SCAND3: variants seen among roughly 807,000 people sequenced by gnomAD.
SCAND3 encodes SCAN domain containing 3.
the SCAND3 span, chr6:28,573,060 G>A: frequency 1.2e-6 from 2 of 1,610,658 alleles, no homozygotes; most frequent in African/African-American, 2.7e-5. Context: ...ACAGTTCTGA[G>A]CTAGTTGTGT....
the SCAND3 span, chr6:28,586,816 T>A: frequency 1.9e-6 from 2 of 1,045,628 alleles, no homozygotes; most frequent in East Asian, 2.4e-5. This position sits in a 1 kb window ranked among gnomAD's most constrained non-coding sequence, Gnocchi z 4.4. Flanking sequence ...GTCAGGAAAG[T>A]TTTTGATATA....
the SCAND3 span, chr6:28,570,702 C>T: frequency 1.3e-5 from 2 of 152,132 alleles, no homozygotes; most frequent in South Asian, 4.1e-4. Context: ...TGAAACGAAG[C>T]ACTTACTGTA....
the SCAND3 span, chr6:28,575,681 T>C: frequency 6.2e-7 from 1 of 1,614,214 alleles, no homozygotes; most frequent in East Asian, 2.2e-5. The surrounding 1 kb of genome is among the most constrained non-coding windows in gnomAD (Gnocchi z 4.2). Flanking sequence ...TACAGCATTA[T>C]AACTTCTTTT....
At chr6:28,574,335 A>G in the SCAND3 span, among the ~76,000 whole-genome samples, 3 of 152,092 alleles carry the variant, frequency 2.0e-5, no homozygotes, top group South Asian at 6.2e-4. Flanking sequence ...CATTAACCCT[A>G]CTTCATAAAG....
the SCAND3 span, among the ~76,000 whole-genome samples, chr6:28,614,217 G>GC: frequency 6.6e-6 from 1 of 152,066 alleles, no homozygotes; most frequent in Non-Finnish European, 1.5e-5. Flanking sequence ...ACCCGCCTCG[G>GC]CCTCCCAAAG....
the SCAND3 span, among the ~76,000 whole-genome samples, chr6:28,609,997 G>A: frequency 6.6e-6 from 1 of 152,092 alleles, no homozygotes; most frequent in Non-Finnish European, 1.5e-5. Context: ...AGGTGAGGTG[G>A]GCTGATCACT....
chr6:28,600,127 AT>A, the SCAND3 span, among the ~76,000 whole-genome samples: 63 of 152,246 alleles, frequency 4.1e-4, 1 homozygote, highest in Middle Eastern at 3.4e-3. Context: ...GGAAAAAAAA[AT>A]AAGTTGGATT....
At chr6:28,585,351 G>A in the SCAND3 span, 1 of 152,242 alleles carries the variant, frequency 6.6e-6, no homozygotes, top group African/African-American at 2.4e-5. Context: ...AAGATGGGAG[G>A]GAACAATGTA....
the SCAND3 span, among the ~76,000 whole-genome samples, chr6:28,612,560 C>T: frequency 6.6e-6 from 1 of 152,158 alleles, no homozygotes; most frequent in Non-Finnish European, 1.5e-5. Flanking sequence ...CTTTCTTCTC[C>T]TTCCTCCCTG....
the SCAND3 span, among the ~76,000 whole-genome samples, chr6:28,584,094 T>G: frequency 1.3e-5 from 2 of 152,162 alleles, no homozygotes; most frequent in African/African-American, 4.8e-5. Context: ...AATAATAAGT[T>G]TAATGTTGAA....
At chr6:28,593,383 T>A in the SCAND3 span, among the ~76,000 whole-genome samples, 1 of 151,958 alleles carries the variant, frequency 6.6e-6, no homozygotes, top group African/African-American at 2.4e-5. Flanking sequence ...GAATGAGTTT[T>A]TTTTTTTTTT....
chr6:28,613,994 G>A, the SCAND3 span, among the ~76,000 whole-genome samples: 2 of 146,190 alleles, frequency 1.4e-5, no homozygotes, highest in African/African-American at 5.1e-5. Context: ...ATGGAGTTTC[G>A]CTCTTGTTGC....
At chr6:28,588,078 TAG>T in the SCAND3 span, 3 of 152,214 alleles carry the variant, frequency 2.0e-5, no homozygotes, top group Non-Finnish European at 4.4e-5. The surrounding 1 kb of genome is among the most constrained non-coding windows in gnomAD (Gnocchi z 4.1). Flanking sequence ...CATTTCTGAG[TAG>T]AGAGTCTTTG....
chr6:28,599,554 T>G, the SCAND3 span, among the ~76,000 whole-genome samples: 1 of 152,204 alleles, frequency 6.6e-6, no homozygotes, highest in African/African-American at 2.4e-5. Flanking sequence ...GTTCTCATGA[T>G]AGTGAATAAG....
the SCAND3 span, among the ~76,000 whole-genome samples, chr6:28,610,388 T>A: frequency 2.0e-5 from 3 of 152,066 alleles, no homozygotes. Context: ...CTGGGTGTGG[T>A]GGCGTGTGCC....
chr6:28,601,019 C>G, the SCAND3 span, among the ~76,000 whole-genome samples: 1 of 151,340 alleles, frequency 6.6e-6, no homozygotes, highest in African/African-American at 2.4e-5. Context: ...TCTCCTGCCT[C>G]AGCCTCCGGA....
the SCAND3 span, chr6:28,575,951 A>C: frequency 4.4e-4 from 714 of 1,613,328 alleles, 14 homozygotes; most frequent in Admixed American, 0.011. The surrounding 1 kb of genome is among the most constrained non-coding windows in gnomAD (Gnocchi z 4.2). Context: ...TCCTTTATCA[A>C]CTGACAGTAC....
chr6:28,575,089 T>A, the SCAND3 span: 1 of 1,614,164 alleles, frequency 6.2e-7, no homozygotes, highest in Admixed American at 1.7e-5. The surrounding 1 kb of genome is among the most constrained non-coding windows in gnomAD (Gnocchi z 4.2). Context: ...GGCAACAAGT[T>A]CTTCAGTTAG....
chr6:28,591,045 G>A, the SCAND3 span: 2 of 152,216 alleles, frequency 1.3e-5, no homozygotes, highest in Non-Finnish European at 2.9e-5. Context: ...TATAAGTCCA[G>A]CCATCCTTCC....
Sources: gnomAD v4.1 joint callset for allele counts (sites outside exome capture counted in the v4.1 genomes callset) on GRCh38, gnomAD v4.1.1 for gene constraint, Gnocchi (gnomAD v3.1) non-coding constraint, MANE v1.5 for transcripts, NCBI Gene and HGNC (gene_info 2026-07-23, HGNC 2026-07-21) for gene names.